Variants in FOXK1 observed in about 807,000 individuals in gnomAD.
The protein encoded by FOXK1 is forkhead box K1.
A neutral mutation model predicts 51.9 loss-of-function variants in FOXK1; 19 were observed. The ratio of observed to expected loss-of-function variants is 0.37; its 90% CI spans 0.26 to 0.54. FOXK1 has a LOEUF of 0.54. Ranked by LOEUF, FOXK1 falls within the 20% of genes least tolerant of loss-of-function variation. FOXK1 has a pLI of 0.87. For synonymous variants in FOXK1, 537 were observed against 482.6 expected (o/e 1.11, Z -1.48); for missense variants, 870 against 1,032.7 (o/e 0.84, Z 2.16).
At chr7:4,742,913 G>T (rs561771042) in intron 2 of FOXK1, among the ~76,000 whole-genome samples, 1 of 152,322 alleles carries the variant, frequency 6.6e-6, no homozygotes, top group East Asian at 1.9e-4. Context: ...CCAGTGGGTG[G>T]GAGTGTCTCT....
intron 1 of FOXK1, among the ~76,000 whole-genome samples, chr7:4,739,292 A>G (rs1403540784): frequency 6.6e-6 from 1 of 152,200 alleles, no homozygotes; most frequent in East Asian, 1.9e-4. Context: ...GCTTATGTAC[A>G]TTCTTTCTTA....
rs1348152997 is a variant in FOXK1 at position 4,749,310 on chromosome 7, A to G, written c.747-5149A>G. On this transcript the variant is annotated intron_variant, in intron 2 of 8. Coordinates refer to ENST00000328914, the MANE Select transcript of FOXK1 (RefSeq NM_001037165.2). This position sits in a 1 kb window ranked among gnomAD's most constrained non-coding sequence, Gnocchi z 6.0. ...GGGTCCCTCTTCTCTTCTGTTTTGCACCATGTTCCACCTGGTAGAAGCTTC... is the reference window on the plus strand; with the variant it reads ...GGGTCCCTCTTCTCTTCTGTTTTGCGCCATGTTCCACCTGGTAGAAGCTTC... Among the ~76,000 whole-genome samples, 1 of 151,974 alleles carries G rather than the reference A, an allele frequency of 6.6e-6. No individual in the cohort carries two copies. The highest frequency in any genetic ancestry group is 1.5e-5 in the Non-Finnish European group (1 of 68,010).
In FOXK1 at chr7:4,747,694, C is replaced by T. The variant is rs1780723442; in HGVS notation, c.746+6671C>T. On this transcript the variant is annotated intron_variant, in intron 2 of 8. Coordinates refer to ENST00000328914, the MANE Select transcript of FOXK1 (RefSeq NM_001037165.2). The surrounding 1 kb of genome is among the most constrained non-coding windows in gnomAD (Gnocchi z 9.2). ...AGGACTACAGGCACCCACCACCACACACACCCAGCTCATTTTTTATTTTCG... is the reference window on the plus strand; with the variant it reads ...AGGACTACAGGCACCCACCACCACATACACCCAGCTCATTTTTTATTTTCG... Among the ~76,000 whole-genome samples, 1 of 151,616 alleles carries T rather than the reference C, an allele frequency of 6.6e-6. No individual in the cohort carries two copies. Among genetic ancestry groups the T allele is most frequent in the South Asian group, 2.1e-4 (1 of 4,806 alleles).
rs1780521421 is a variant in FOXK1, at chr7:4,734,213, T to C, written c.561-6625T>C. On this transcript the variant is annotated intron_variant, in intron 1 of 8. Coordinates refer to ENST00000328914, the MANE Select transcript of FOXK1 (RefSeq NM_001037165.2). The surrounding 1 kb of genome is among the most constrained non-coding windows in gnomAD (Gnocchi z 5.2). ...GAAGGAGCGGCTTGTGTGGGGTGAC[T>C]CTATCTCAAGCCGTAGGCCTCCCAG... is the stretch of plus-strand genomic sequence containing the variant. Among the ~76,000 whole-genome samples the C allele has an allele frequency of 6.6e-6, 1 of 152,214 alleles. No individual in the cohort carries two copies. Among genetic ancestry groups the C allele is most frequent in the African/African-American group, 2.4e-5 (1 of 41,466 alleles).
At chr7:4,740,553 G>C (rs1421057833) in intron 1 of FOXK1, among the ~76,000 whole-genome samples, 3 of 152,146 alleles carry the variant, frequency 2.0e-5, no homozygotes, top group African/African-American at 7.2e-5. Flanking sequence ...TGAGGTTGCG[G>C]TGAGCTGAGA....
chr7:4,755,311 G>C lies in FOXK1; in HGVS notation c.978G>C (p.Leu326=), dbSNP rs769675913. ...TCTCCTCCGCCCAGGACCGGCAGCT[G>C]ACCCTGAGCGGGATCTACGCCCACA... ...QAISSAQDRQ[L]TLSGIYAHIT... Residue 326 remains leucine, a synonymous_variant, in exon 4 of 9, where the codon CTG becomes CTC. Coordinates refer to ENST00000328914, the MANE Select transcript of FOXK1 (RefSeq NM_001037165.2). This position sits in a 1 kb window ranked among gnomAD's most constrained non-coding sequence, Gnocchi z 6.6. The C allele has an allele frequency of 6.2e-7, 1 of 1,613,800 alleles. No homozygotes were observed. The highest frequency in any genetic ancestry group is 8.5e-7 in the Non-Finnish European group (1 of 1,180,048).
In FOXK1 at chr7:4,748,854, T is replaced by A. The variant is rs1260141810; in HGVS notation, c.747-5605T>A. 6.6e-6 allele frequency among the ~76,000 whole-genome samples: 1 copy of A among 152,070 alleles called. No individual in the cohort carries two copies. The highest frequency in any genetic ancestry group is 1.5e-5 in the Non-Finnish European group (1 of 68,008). ...CCACCATGCCCGGCTAATTTTTGTA[T>A]TTTTTGTAGAGGTGGGGTCTCCCCA... is the stretch of plus-strand genomic sequence containing the variant. On this transcript the variant is annotated intron_variant, in intron 2 of 8. Transcript: ENST00000328914. This position sits in a 1 kb window ranked among gnomAD's most constrained non-coding sequence, Gnocchi z 4.9.
intron 1 of FOXK1, among the ~76,000 whole-genome samples, chr7:4,691,672 G>A (rs566923472): frequency 1.3e-5 from 2 of 152,250 alleles, no homozygotes; most frequent in Admixed American, 6.5e-5. Context: ...GAAGAATCTC[G>A]TCTGCCCTCA....
At chr7:4,706,026 G>GTATATATACGTA (rs1217251179) in intron 1 of FOXK1, among the ~76,000 whole-genome samples, 2 of 74,410 alleles carry the variant, frequency 2.7e-5, no homozygotes, top group African/African-American at 2.4e-4. Flanking sequence ...ATATATACGT[G>GTATATATACGTA]TATATACGTG....
intron 1 of FOXK1, among the ~76,000 whole-genome samples, chr7:4,725,265 G>A (rs1457252644): frequency 6.6e-6 from 1 of 152,250 alleles, no homozygotes; most frequent in African/African-American, 2.4e-5. Flanking sequence ...CAGGTGGCCG[G>A]AACGCCCCTT....
At chr7:4,739,006 G>C (rs79588928) in intron 1 of FOXK1, among the ~76,000 whole-genome samples, 2,093 of 152,300 alleles carry the variant, frequency 0.014, 28 homozygotes, top group Middle Eastern at 0.02. Context: ...GTCACCCTCT[G>C]ACCTGCTCCT....
At chr7:4,760,960 T>A in intron 7 of FOXK1, 104 bp from the exon 8 acceptor site, 2 of 1,068,998 alleles carry the variant, frequency 1.9e-6, no homozygotes, top group African/African-American at 3.1e-5. Context: ...TTTTTCCCAG[T>A]GCCGACCTCA....
At chr7:4,726,904 G>A (rs1294944207) in intron 1 of FOXK1, among the ~76,000 whole-genome samples, 1 of 152,114 alleles carries the variant, frequency 6.6e-6, no homozygotes, top group African/African-American at 2.4e-5. Flanking sequence ...ACAGTACCTG[G>A]TATATATAAT....
chr7:4,703,412 T>C lies in FOXK1; in HGVS notation c.560+20544T>C, dbSNP rs1583185926. Among the ~76,000 whole-genome samples, 2 of 152,026 alleles carry C rather than the reference T, an allele frequency of 1.3e-5. No homozygotes were observed. Among genetic ancestry groups the C allele is most frequent in the South Asian group, 4.2e-4 (2 of 4,818 alleles). On this transcript the variant is annotated intron_variant, in intron 1 of 8. Transcript: ENST00000328914. This position sits in a 1 kb window ranked among gnomAD's most constrained non-coding sequence, Gnocchi z 5.6. ...CGCTGAAGTTCGTGGCCCCAAGACA[T>C]GCGGAGAACCCGCGTCTGCAGGGCT...
rs112118422 is a variant in FOXK1 at position 4,712,179 on chromosome 7, A to T, written c.561-28659A>T. Among the ~76,000 whole-genome samples, 147 of 151,868 alleles carry T rather than the reference A, an allele frequency of 9.7e-4. 1 individual carries two copies. Among genetic ancestry groups the T allele is most frequent in the Middle Eastern group, 3.4e-3 (1 of 294 alleles). On this transcript the variant is annotated intron_variant, in intron 1 of 8. Coordinates refer to ENST00000328914, the MANE Select transcript of FOXK1 (RefSeq NM_001037165.2). ...ATCCAAGCATCGTTTCCCTTCCCCG[A>T]TGGTCGCCTCCCTGGGGTGAGACGT...
Sources: gnomAD v4.1 joint callset for allele counts (sites outside exome capture counted in the v4.1 genomes callset) on GRCh38, gnomAD v4.1.1 for gene constraint, Gnocchi (gnomAD v3.1) non-coding constraint, MANE v1.5 for transcripts, NCBI Gene and HGNC (gene_info 2026-07-23, HGNC 2026-07-21) for gene names.